Variants in CALD1 observed in about 807,000 individuals in gnomAD.
The protein encoded by CALD1 is caldesmon.
Under a neutral mutation model 99.9 loss-of-function variants are expected in CALD1, and 33 were observed. The observed-to-expected ratio is 0.33, with a 90% CI of 0.25 to 0.44. The LOEUF (loss-of-function observed/expected upper bound fraction) is 0.44. CALD1 is among the 20% of genes least tolerant of loss of function. The probability of loss-of-function intolerance (pLI) is 1.00; values close to 1 mark genes in which losing one functional copy is unlikely to be tolerated. For synonymous variants in CALD1, 310 were observed against 325.0 expected (o/e 0.95, Z 0.50); for missense variants, 861 against 962.1 (o/e 0.89, Z 1.39).
At chr7:134,896,789 G>T (rs541634034) in intron 3 of CALD1, among the ~76,000 whole-genome samples, 1 of 152,312 alleles carries the variant, frequency 6.6e-6, no homozygotes, top group Non-Finnish European at 1.5e-5. Context: ...AGGCCTAACA[G>T]TGGCAAGAGG....
chr7:134,929,608 G>GTGTATATACACATATATGTA (rs1586338770), intron 4 of CALD1, among the ~76,000 whole-genome samples: 1 of 5,108 alleles, frequency 2.0e-4, no homozygotes, highest in Admixed American at 1.7e-3. Context: ...ATTCCATGGT[G>GTGTATATACACATATATGTA]TGTGTATATA....
At chr7:134,712,571 C>T in the CALD1 span, among the ~76,000 whole-genome samples, 1 of 152,316 alleles carries the variant, frequency 6.6e-6, no homozygotes, top group African/African-American at 2.4e-5. Flanking sequence ...CCTGGAATGT[C>T]TTCTAGAATT....
At chr7:134,791,325 T>G (rs1797524569) in intron 1 of CALD1, among the ~76,000 whole-genome samples, 1 of 152,162 alleles carries the variant, frequency 6.6e-6, no homozygotes, top group African/African-American at 2.4e-5. Flanking sequence ...GCCTCCTGAG[T>G]AGCTGGGATT....
chr7:134,773,906 C>T (rs1200297241), intron 1 of CALD1, among the ~76,000 whole-genome samples: 2 of 151,954 alleles, frequency 1.3e-5, no homozygotes, highest in Non-Finnish European at 2.9e-5. Context: ...TGAGGTGGCT[C>T]ACGCCTGTAA....
At chr7:134,942,387 T>C (rs751312171) in intron 7 of CALD1, among the ~76,000 whole-genome samples, 6 of 152,180 alleles carry the variant, frequency 3.9e-5, no homozygotes, top group Non-Finnish European at 7.3e-5. Context: ...CAAAACAATT[T>C]TTTTGTACGT....
intron 3 of CALD1, among the ~76,000 whole-genome samples, chr7:134,885,978 G>C (rs909561914): frequency 6.6e-6 from 1 of 152,130 alleles, no homozygotes; most frequent in Non-Finnish European, 1.5e-5. Context: ...TTTCAAGTTG[G>C]AGGGCAGAAA....
At chr7:134,806,222 T>C (rs1467722820) in intron 1 of CALD1, among the ~76,000 whole-genome samples, 1 of 152,228 alleles carries the variant, frequency 6.6e-6, no homozygotes, top group Admixed American at 6.5e-5. Context: ...TAGGCCATGT[T>C]TCACATCAGT....
intron 1 of CALD1, among the ~76,000 whole-genome samples, chr7:134,785,549 T>C (rs1414539756): frequency 1.3e-5 from 2 of 152,250 alleles, no homozygotes; most frequent in African/African-American, 4.8e-5. Flanking sequence ...ATATTTGCTA[T>C]GTAATTTTTA....
chr7:134,891,714 T>A, intron 3 of CALD1: 3 of 1,302,740 alleles, frequency 2.3e-6, no homozygotes, highest in Non-Finnish European at 3.1e-6. Flanking sequence ...TCCTTTCTTT[T>A]TTTTTTTTAT....
At chr7:134,716,062 A>G in the CALD1 span, among the ~76,000 whole-genome samples, 1 of 152,162 alleles carries the variant, frequency 6.6e-6, no homozygotes, top group South Asian at 2.1e-4. Context: ...CAGCCATACA[A>G]TGGTATTTTG....
In CALD1 at chr7:134,920,540, A is replaced by G. The variant is rs1490009389; in HGVS notation, c.72-8214A>G. ...GGGGTGTGGCCTTCATGGGGAGTGT[A>G]TTGCTGCAGAAAGCTGGGGACAGAA... On this transcript the variant is annotated intron_variant, in intron 3 of 14. Transcript: ENST00000361675. The G allele has an allele frequency of 3.2e-6, 4 of 1,244,102 alleles. No individual in the cohort carries two copies. In the African/African-American group the frequency reaches 6.2e-5, roughly 19 times the overall value. The allele number at this position is 1,244,102 out of a possible 1,614,324, so 77.1% of individuals were successfully genotyped here. A position where few individuals can be genotyped will look rare whatever the true frequency, so the allele number is the denominator to read the frequency against.
chr7:134,899,348 C>T (rs1055724716), intron 3 of CALD1, among the ~76,000 whole-genome samples: 4 of 151,942 alleles, frequency 2.6e-5, no homozygotes, highest in Admixed American at 2.0e-4. Context: ...GGATTACAGG[C>T]GCCCACCACC....
intron 3 of CALD1, among the ~76,000 whole-genome samples, chr7:134,927,823 A>G (rs1805151069): frequency 6.7e-6 from 1 of 150,130 alleles, no homozygotes; most frequent in Non-Finnish European, 1.5e-5. Context: ...GGGAAAAGGA[A>G]CTGGAGGGAA....
chr7:134,763,129 C>A (rs1055854786), intron 1 of CALD1, among the ~76,000 whole-genome samples: 2 of 152,132 alleles, frequency 1.3e-5, no homozygotes, highest in African/African-American at 4.8e-5. Context: ...GTCTATCTAT[C>A]TAGAGTCACA....
intron 3 of CALD1, among the ~76,000 whole-genome samples, chr7:134,882,480 C>T (rs920550559): frequency 2.4e-4 from 36 of 152,230 alleles, no homozygotes; most frequent in Admixed American, 1.8e-3. Flanking sequence ...CTATTTACTC[C>T]GGTACTCAAG....
chr7:134,960,129 G>C lies in CALD1; in HGVS notation c.2199+18G>C, dbSNP rs979923328. ...CAAATAAGGTGAGCATCTGATTTTT[G>C]TCTCTTAAGTGTAGAGGGGCATATT... On this transcript the variant is annotated intron_variant, in intron 12 of 14. Coordinates refer to ENST00000361675, the MANE Select transcript of CALD1 (RefSeq NM_033138.4). 4.3e-6 allele frequency: 7 copies of C among 1,613,804 alleles called. No individual in the cohort carries two copies. Among genetic ancestry groups the C allele is most frequent in the Admixed American group, 3.3e-5 (2 of 59,942 alleles).
intron 3 of CALD1, among the ~76,000 whole-genome samples, chr7:134,905,708 T>C (rs911835769): frequency 1.5e-4 from 23 of 151,976 alleles, no homozygotes; most frequent in African/African-American, 5.6e-4. Flanking sequence ...GACTTTGAGT[T>C]CTATAACTCT....
At chr7:134,807,228 G>A (rs1798177239) in intron 1 of CALD1, among the ~76,000 whole-genome samples, 1 of 152,130 alleles carries the variant, frequency 6.6e-6, no homozygotes, top group Non-Finnish European at 1.5e-5. Context: ...AAGAATATGA[G>A]ACCTGAAGAC....
At chr7:134,834,727 C>T (rs576469823) in intron 1 of CALD1, among the ~76,000 whole-genome samples, 1 of 152,356 alleles carries the variant, frequency 6.6e-6, no homozygotes, top group African/African-American at 2.4e-5. Flanking sequence ...ACTTGGAAAT[C>T]AGCCCACAAA....
Sources: allele counts gnomAD v4.1 joint callset (sites outside exome capture counted in the v4.1 genomes callset), GRCh38; gene constraint gnomAD v4.1.1; transcripts MANE v1.5; gene names NCBI Gene and HGNC (gene_info 2026-07-23, HGNC 2026-07-21).